ANO2: variants seen among roughly 807,000 people sequenced by gnomAD.
The protein encoded by ANO2 is anoctamin-2.
Under a neutral mutation model 124.2 loss-of-function variants are expected in ANO2, and 101 were observed. The observed-to-expected ratio is 0.81, with a 90% CI of 0.69 to 0.96. The LOEUF (loss-of-function observed/expected upper bound fraction) is 0.96, where lower values mean the gene tolerates loss of function less well. Among genes scored for constraint, ANO2 ranks in the 40% least tolerant of loss-of-function variants. The pLI, the probability that ANO2 is intolerant of heterozygous loss-of-function variation, is 0.00. For synonymous variants in ANO2, 486 were observed against 482.5 expected (o/e 1.01, Z -0.09); for missense variants, 1,293 against 1,274.5 (o/e 1.01, Z -0.22).
intron 1 of ANO2, among the ~76,000 whole-genome samples, chr12:5,926,381 T>A (rs541922729): frequency 9.9e-5 from 15 of 152,194 alleles, no homozygotes; most frequent in African/African-American, 3.6e-4. Context: ...CAAACATCCA[T>A]CTGGCCAGGA....
At chr12:5,775,944 G>A (rs1461506965) in intron 10 of ANO2, among the ~76,000 whole-genome samples, 1 of 152,160 alleles carries the variant, frequency 6.6e-6, no homozygotes, top group Non-Finnish European at 1.5e-5. Context: ...AGCTCTAAAA[G>A]CTGTCAATAC....
Position 5,575,702 on chromosome 12 carries a change from G to A in ANO2, c.2621+132C>T, listed in dbSNP as rs986044500. The A allele has an allele frequency of 4.1e-5, 41 of 989,270 alleles. No individual in the cohort carries two copies. The Middle Eastern group carries it at 6.8e-4, about 16-fold the overall frequency. 61.3% of individuals were successfully genotyped at this position (989,270 alleles called of 1,614,324 possible). Reference sequence around the variant, plus strand: ...GGTATTATAATCTTACGGGACAATCGCCATATATGTGGTCTGCTGTTGTCC... The same window carrying A: ...GGTATTATAATCTTACGGGACAATCACCATATATGTGGTCTGCTGTTGTCC... On this transcript the variant is annotated intron_variant, in intron 23 of 24. Transcript: ENST00000682330.
At chr12:5,837,917 T>C (rs891157054) in intron 4 of ANO2, among the ~76,000 whole-genome samples, 6 of 151,534 alleles carry the variant, frequency 4.0e-5, no homozygotes, top group South Asian at 4.2e-4. Context: ...AATTAATGAA[T>C]CCAGGAGCTG....
At chr12:5,828,881 G>A (rs572482255) in intron 6 of ANO2, among the ~76,000 whole-genome samples, 1 of 152,314 alleles carries the variant, frequency 6.6e-6, no homozygotes, top group African/African-American at 2.4e-5. Context: ...CCACAAAGAA[G>A]CAGGCACAGA....
chr12:5,604,577 T>C (rs1944116794), intron 19 of ANO2, among the ~76,000 whole-genome samples: 2 of 152,064 alleles, frequency 1.3e-5, no homozygotes, highest in African/African-American at 4.8e-5. Context: ...ACTGTAAGAC[T>C]GTGTGGCAAA....
chr12:5,647,890 G>A, intron 14 of ANO2, 89 bp from the exon 15 acceptor site: 1 of 938,578 alleles, frequency 1.1e-6, no homozygotes, highest in Middle Eastern at 2.2e-4. Context: ...GCATGCGATT[G>A]ATCATTATCA....
chr12:5,646,864 TA>T (rs1378299977), intron 15 of ANO2, among the ~76,000 whole-genome samples: 1 of 152,204 alleles, frequency 6.6e-6, no homozygotes, highest in Non-Finnish European at 1.5e-5. Flanking sequence ...TTCCTGTAGT[TA>T]ACGGTCACGA....
chr12:5,764,439 G>A (rs1174129237), intron 10 of ANO2, among the ~76,000 whole-genome samples: 2 of 152,158 alleles, frequency 1.3e-5, no homozygotes, highest in African/African-American at 4.8e-5. Flanking sequence ...TACAGATGAG[G>A]AAACTGATGT....
intron 14 of ANO2, among the ~76,000 whole-genome samples, chr12:5,697,668 C>T (rs7137577): frequency 0.084 from 12,750 of 152,178 alleles, 660 homozygotes; most frequent in African/African-American, 0.13. Flanking sequence ...TCCCCTCACC[C>T]GGGAAACGCA....
At chr12:5,659,623 C>T (rs1473298787) in intron 14 of ANO2, among the ~76,000 whole-genome samples, 2 of 152,240 alleles carry the variant, frequency 1.3e-5, no homozygotes, top group Non-Finnish European at 2.9e-5. Flanking sequence ...AAATGGAAAA[C>T]ATTTTTTCTT....
At chr12:5,737,281 A>G (rs1950909346) in intron 13 of ANO2, among the ~76,000 whole-genome samples, 1 of 152,216 alleles carries the variant, frequency 6.6e-6, no homozygotes, top group Non-Finnish European at 1.5e-5. Flanking sequence ...GGGTAAACCC[A>G]GTCTTGGCCA....
chr12:5,606,433 T>C (rs1280705791), intron 19 of ANO2, among the ~76,000 whole-genome samples: 1 of 152,256 alleles, frequency 6.6e-6, no homozygotes, highest in Non-Finnish European at 1.5e-5. Flanking sequence ...AGGCAGATCT[T>C]AGTCAGAAAG....
chr12:5,645,488 T>C (rs1946594079), intron 15 of ANO2, among the ~76,000 whole-genome samples: 2 of 152,210 alleles, frequency 1.3e-5, no homozygotes, highest in African/African-American at 4.8e-5. Context: ...ATAAAAATCA[T>C]ATATATAACA....
At chr12:5,670,844 T>C (rs113107674) in intron 14 of ANO2, among the ~76,000 whole-genome samples, 1 of 152,110 alleles carries the variant, frequency 6.6e-6, no homozygotes, top group African/African-American at 2.4e-5. Context: ...CTGGCCAAAA[T>C]ATGTATTTTA....
chr12:5,772,075 T>C (rs1223038404), intron 10 of ANO2, among the ~76,000 whole-genome samples: 1 of 152,154 alleles, frequency 6.6e-6, no homozygotes, highest in Non-Finnish European at 1.5e-5. Context: ...TTGCTTTACT[T>C]TTTACCCACA....
intron 4 of ANO2, among the ~76,000 whole-genome samples, chr12:5,838,922 C>T (rs545054274): frequency 3.1e-4 from 47 of 152,196 alleles, no homozygotes; most frequent in Non-Finnish European, 6.5e-4. Flanking sequence ...CAAGTCATAC[C>T]CTTCTCCCAG....
intron 14 of ANO2, among the ~76,000 whole-genome samples, chr12:5,664,295 C>A (rs1947592415): frequency 6.6e-6 from 1 of 152,154 alleles, no homozygotes. Flanking sequence ...AGGCATCCAT[C>A]ATTCTACCCA....
intron 19 of ANO2, among the ~76,000 whole-genome samples, chr12:5,602,184 A>G (rs2136886426): frequency 6.6e-6 from 1 of 152,348 alleles, no homozygotes; most frequent in East Asian, 1.9e-4. Context: ...TATCTCTCGG[A>G]AAAAAAGTAG....
chr12:5,702,450 T>C (rs1221399804), intron 14 of ANO2, among the ~76,000 whole-genome samples: 2 of 151,586 alleles, frequency 1.3e-5, no homozygotes, highest in African/African-American at 4.9e-5. Flanking sequence ...CCATAATATA[T>C]AAAGAGCTCC....
Sources: allele counts gnomAD v4.1 joint callset (sites outside exome capture counted in the v4.1 genomes callset), GRCh38; gene constraint gnomAD v4.1.1; transcripts MANE v1.5; gene names NCBI Gene and HGNC (gene_info 2026-07-23, HGNC 2026-07-21).